KCNQ1: variants seen among roughly 807,000 people sequenced by gnomAD.
KCNQ1 encodes potassium voltage-gated channel subfamily Q member 1.
Under a neutral mutation model 72.4 loss-of-function variants are expected in KCNQ1, and 49 were observed. The observed-to-expected ratio is 0.68, with a 90% confidence interval of 0.54 to 0.86. KCNQ1 has a LOEUF of 0.86. Among genes scored for constraint, KCNQ1 ranks in the 40% least tolerant of loss-of-function variants. The probability of loss-of-function intolerance (pLI) is 0.00; values close to 1 mark genes in which losing one functional copy is unlikely to be tolerated. For synonymous variants in KCNQ1, 450 were observed against 412.6 expected (o/e 1.09, Z -1.10); for missense variants, 790 against 945.1 (o/e 0.84, Z 2.15).
rs199472819 is a variant in KCNQ1 at position 2,847,827 on chromosome 11, T to A, written c.1855T>A (p.Leu619Met). Residue 619 changes from leucine to methionine, a missense_variant, in exon 16 of 16, where the codon TTG becomes ATG. Leu to Met is a conservative substitution (Grantham distance 15). Coordinates refer to ENST00000155840, the MANE Select transcript of KCNQ1 (RefSeq NM_000218.3). The part of the protein sequence containing the change: ...ITDMLHQLLS[L>M]HGGSTPGSGG... ...CGACATGCTTCACCAGCTGCTCTCC[T>A]TGCACGGTGGCAGCACCCCCGGCAG... 3.2e-6 allele frequency: 5 copies of A among 1,568,664 alleles called. No individual in the cohort carries two copies. Among genetic ancestry groups the A allele is most frequent in the Non-Finnish European group, 4.3e-6 (5 of 1,156,458 alleles).
chr11:2,736,284 G>T (rs1287736381), intron 11 of KCNQ1, among the ~76,000 whole-genome samples: 6 of 152,328 alleles, frequency 3.9e-5, no homozygotes, highest in African/African-American at 1.4e-4. Context: ...GGACCTAATG[G>T]GATTAAAGGC....
At chr11:2,812,459 C>T (rs1246269043) in intron 15 of KCNQ1, among the ~76,000 whole-genome samples, 2 of 152,330 alleles carry the variant, frequency 1.3e-5, no homozygotes, top group Admixed American at 1.3e-4. Context: ...GCCTGCCCGG[C>T]CGGCTCTGTG....
At chr11:2,660,656 C>G in intron 10 of KCNQ1, 1 of 398,634 alleles carries the variant, frequency 2.5e-6, no homozygotes, top group Non-Finnish European at 4.4e-6. Context: ...ACAGCAATGC[C>G]TCAGTTTTCA....
At chr11:2,632,960 T>C (rs540573870) in intron 10 of KCNQ1, 3 of 398,508 alleles carry the variant, frequency 7.5e-6, no homozygotes, top group South Asian at 1.3e-4. Context: ...AACTGTATGA[T>C]AGTCTACTTT....
intron 13 of KCNQ1, 63 bp from the exon 14 acceptor site, chr11:2,776,923 C>G: frequency 6.7e-7 from 1 of 1,495,726 alleles, no homozygotes; most frequent in Non-Finnish European, 9.3e-7. Context: ...GTCCCACAGA[C>G]GACAGTGCAT....
rs947415489 is a variant in KCNQ1 at position 2,494,512 on chromosome 11, A to G, written c.387-33416A>G. ...CATAAATAGCTCTTGTTATTTTGAG[A>G]TATGTTCCATCAATTCCTAGTTTAT... On this transcript the variant is annotated intron_variant, in intron 1 of 15. Coordinates refer to ENST00000155840, the MANE Select transcript of KCNQ1 (RefSeq NM_000218.3). The surrounding 1 kb of genome is among the most constrained non-coding windows in gnomAD (Gnocchi z 4.6). Among the ~76,000 whole-genome samples, 4 of 152,126 alleles carry G rather than the reference A, an allele frequency of 2.6e-5. No individual in the cohort carries two copies. The South Asian group carries it at 8.3e-4, about 32-fold the overall frequency.
chr11:2,632,182 CAAAAAAAAAAAA>C (rs34998500), intron 10 of KCNQ1: 2 of 312,378 alleles, frequency 6.4e-6, no homozygotes. Flanking sequence ...GACTCTGCCT[CAAAAAAAAAAAA>C]AAAAAAAAAG....
chr11:2,638,758 C>G (rs992029283), intron 10 of KCNQ1: 1 of 152,170 alleles, frequency 6.6e-6, no homozygotes, highest in Non-Finnish European at 1.5e-5. Flanking sequence ...TGGATAATAT[C>G]CTGCCTTGCT....
At chr11:2,490,626 C>G (rs1846821452) in intron 1 of KCNQ1, among the ~76,000 whole-genome samples, 1 of 152,236 alleles carries the variant, frequency 6.6e-6, no homozygotes, top group Non-Finnish European at 1.5e-5. Context: ...AAACAAGAGT[C>G]TCTGCCTCGT....
intron 6 of KCNQ1, 29 bp downstream of exon 6, chr11:2,573,015 CAG>C (rs1159757747): frequency 6.2e-6 from 10 of 1,608,778 alleles, no homozygotes; most frequent in East Asian, 2.2e-5. Flanking sequence ...GGCATGGGGA[CAG>C]GGGCAGCTCA....
At chr11:2,727,536 T>C (rs1322926211) in intron 11 of KCNQ1, among the ~76,000 whole-genome samples, 1 of 152,150 alleles carries the variant, frequency 6.6e-6, no homozygotes, top group African/African-American at 2.4e-5. Flanking sequence ...GATGGCTGTC[T>C]GACATGAGGC....
In KCNQ1 at chr11:2,533,594, G is replaced by A. The variant is rs565025332; in HGVS notation, c.477+5576G>A. ...TGCGTGCCTGTGGGTAGCTCCGTGC[G>A]CACATGCGTACACATATGCCTGGTG... On this transcript the variant is annotated intron_variant, in intron 2 of 15. Coordinates refer to ENST00000155840, the MANE Select transcript of KCNQ1 (RefSeq NM_000218.3). Among the ~76,000 whole-genome samples the A allele has an allele frequency of 2.8e-3, 434 of 152,372 alleles. 3 individuals are homozygous for A. Among genetic ancestry groups the A allele is most frequent in the African/African-American group, 9.8e-3 (406 of 41,590 alleles).
rs1020401360 is a variant in KCNQ1, at chr11:2,481,128, G to A, written c.386+35644G>A. 6.6e-6 allele frequency among the ~76,000 whole-genome samples: 1 copy of A among 152,220 alleles called. No individual in the cohort carries two copies. Among genetic ancestry groups the A allele is most frequent in the Non-Finnish European group, 1.5e-5 (1 of 68,040 alleles). Reference sequence around the variant, plus strand: ...GGTCTCTTCTGCAGTGAACTGATGCGATGTGTGATGTCACTAGTTCTCATC... The same window carrying A: ...GGTCTCTTCTGCAGTGAACTGATGCAATGTGTGATGTCACTAGTTCTCATC... On this transcript the variant is annotated intron_variant, in intron 1 of 15. Coordinates refer to ENST00000155840, the MANE Select transcript of KCNQ1 (RefSeq NM_000218.3). This position sits in a 1 kb window ranked among gnomAD's most constrained non-coding sequence, Gnocchi z 4.6.
rs1461826976 is a variant in KCNQ1 at position 2,652,740 on chromosome 11, C to G, written c.1394-9221C>G. ...GGCTCACTCACGCTCAGGGTTGACC[C>G]TGTCCTGGCTCTGTCACTGCCTGTC... On this transcript the variant is annotated intron_variant, in intron 10 of 15. Transcript: ENST00000155840. The surrounding 1 kb of genome is among the most constrained non-coding windows in gnomAD (Gnocchi z 5.9). The G allele has an allele frequency of 2.5e-6, 1 of 398,836 alleles. No homozygotes were observed. The highest frequency in any genetic ancestry group is 2.1e-5 in the African/African-American group (1 of 48,642). 24.7% of individuals were successfully genotyped at this position (398,836 alleles called of 1,614,324 possible). A position where few individuals can be genotyped will look rare whatever the true frequency, so the allele number is the denominator to read the frequency against.
rs1165646478 is a variant in KCNQ1, at chr11:2,588,758, C to G, written c.1297C>G (p.Pro433Ala). Residue 433 changes from proline to alanine, a missense_variant, in exon 10 of 16, where the codon CCT (proline) becomes GCT (alanine). Around this residue, in one of 5 missense-constraint regions of KCNQ1, gnomAD observed 178 missense variants for 177.9 expected, o/e 1.00. Transcript: ENST00000155840. The surrounding 1 kb of genome is among the most constrained non-coding windows in gnomAD (Gnocchi z 5.6). The part of the protein sequence containing the change: ...FKLDKDNGVT[P>A]GEKMLTVPHI... The stretch of plus-strand genomic sequence containing the variant: ...GCTGGACAAAGACAATGGGGTGACT[C>G]CTGGAGAGAAGATGCTCACAGTCCC... 6.2e-7 allele frequency: 1 copy of G among 1,613,700 alleles called. No individual in the cohort carries two copies. The highest frequency in any genetic ancestry group is 8.5e-7 in the Non-Finnish European group (1 of 1,179,918).
At position 2,781,659 on chromosome 11, in the gene KCNQ1, G is replaced by A. The variant is rs1019969168; in HGVS notation, c.1794+3622G>A. ...CTCCCCCAGCAAGTATTCTTAGCTT[G>A]GTCTCCAGGACCTGCCACACTGTTT... On this transcript the variant is annotated intron_variant, in intron 15 of 15. Transcript: ENST00000155840. This position sits in a 1 kb window ranked among gnomAD's most constrained non-coding sequence, Gnocchi z 6.6. Among the ~76,000 whole-genome samples the A allele has an allele frequency of 6.6e-6, 1 of 152,210 alleles. No individual in the cohort carries two copies. The highest frequency in any genetic ancestry group is 1.5e-5 in the Non-Finnish European group (1 of 68,032).
At chr11:2,540,934 C>T (rs1047246203) in intron 2 of KCNQ1, among the ~76,000 whole-genome samples, 6 of 152,216 alleles carry the variant, frequency 3.9e-5, no homozygotes, top group Admixed American at 1.3e-4. Context: ...AAAACACACT[C>T]GTGTCCAGCC....
chr11:2,596,654 A>T (rs544475756), intron 10 of KCNQ1, among the ~76,000 whole-genome samples: 9 of 152,002 alleles, frequency 5.9e-5, no homozygotes, highest in South Asian at 2.1e-4. Flanking sequence ...ACTAATATAG[A>T]GTGACAAACA....
intron 2 of KCNQ1, among the ~76,000 whole-genome samples, chr11:2,561,226 A>AAAAAAGAT (rs1171410652): frequency 1.3e-5 from 2 of 151,908 alleles, no homozygotes; most frequent in Non-Finnish European, 2.9e-5. Flanking sequence ...GAAAAAAAGA[A>AAAAAAGAT]AAAAAAGGAA....
Sources: allele counts gnomAD v4.1 joint callset (sites outside exome capture counted in the v4.1 genomes callset), GRCh38; gene constraint gnomAD v4.1.1; regional missense constraint gnomAD v4.1.1; non-coding constraint Gnocchi (gnomAD v3.1); transcripts MANE v1.5; gene names NCBI Gene and HGNC (gene_info 2026-07-23, HGNC 2026-07-21).